COCH: variants seen among roughly 807,000 people sequenced by gnomAD.
COCH encodes coagulation factor C homolog, cochlin (Limulus polyphemus).
Under a neutral mutation model 54.8 loss-of-function variants are expected in COCH, and 40 were observed. The ratio of observed to expected loss-of-function variants is 0.73; its 90% CI spans 0.57 to 0.95. COCH has a LOEUF of 0.95. COCH is among the 40% of genes least tolerant of loss of function. The pLI is 0.00. For missense variants in COCH, 605 were observed against 675.0 expected (o/e 0.90, Z 1.15); for synonymous variants, 256 against 237.9 (o/e 1.08, Z -0.70).
In COCH at chr14:30,880,619, G is replaced by A; in HGVS notation, c.514G>A (p.Gly172Arg). The change falls in exon 8 of 12, where the codon GGA becomes AGA. Residue 172 changes from glycine to arginine, a missense_variant. Gly to Arg is a moderately radical substitution (Grantham distance 125). Transcript: ENST00000396618. ...AGCAGACATTGCATTTCTGATTGAT[G>A]GAAGCTTTAATATTGGGCAGCGCCG... ...CKADIAFLID[G>R]SFNIGQRRFN... is the part of the protein sequence containing the mutation. 2 of 1,614,112 alleles carry A rather than the reference G, an allele frequency of 1.2e-6. No homozygotes were observed. Among genetic ancestry groups the A allele is most frequent in the Non-Finnish European group, 1.7e-6 (2 of 1,180,038 alleles).
downstream of COCH, chr14:30,895,071 A>AC (rs1896100139): frequency 4.6e-6 from 1 of 219,256 alleles, no homozygotes; most frequent in Non-Finnish European, 8.1e-6. Context: ...AAAAAAAAAA[A>AC]AAAAAAAAGA....
chr14:30,885,593 G>A lies in COCH; in HGVS notation c.933G>A (p.Met311Ile). ...AGCCTATCCCTGAAGAACTGGGGAT[G>A]GTTCAGGATGTCACATTTGTTGACA... ...VAKPIPEELG[M>I]VQDVTFVDKA... Residue 311 changes from methionine to isoleucine, a missense_variant, in exon 10 of 12, where the codon ATG becomes ATA. Physicochemically the swap from Met to Ile is conservative, Grantham distance 10. Coordinates refer to ENST00000396618, the MANE Select transcript of COCH (RefSeq NM_004086.3). 6.2e-7 allele frequency: 1 copy of A among 1,602,466 alleles called. No homozygotes were observed. The highest frequency in any genetic ancestry group is 8.6e-7 in the Non-Finnish European group (1 of 1,169,388).
At chr14:30,889,551 T>G in intron 11 of COCH, 65 bp from the exon 12 acceptor site, 1 of 1,395,810 alleles carries the variant, frequency 7.2e-7, no homozygotes, top group Non-Finnish European at 1.0e-6. Flanking sequence ...GGAAAACATA[T>G]AGACATAATT....
At chr14:30,888,441 T>C (rs1241349312) in intron 11 of COCH, among the ~76,000 whole-genome samples, 3 of 152,080 alleles carry the variant, frequency 2.0e-5, no homozygotes, top group Non-Finnish European at 4.4e-5. Context: ...CCAAAAGTTA[T>C]AGAAAATTGC....
chr14:30,890,025 T>C lies in COCH; in HGVS notation c.*234T>C. The C allele has an allele frequency of 8.1e-7, 1 of 1,238,988 alleles. No homozygotes were observed. The highest frequency in any genetic ancestry group is 2.3e-5 in the South Asian group (1 of 42,720). The allele number at this position is 1,238,988 out of a possible 1,614,324, so 76.7% of individuals were successfully genotyped here. ...CTTCATAATCATGGCTCTTAGAAAC[T>C]CAGGAAAGAGGAGATAATGTGGATT... On this transcript the variant is annotated 3_prime_UTR_variant, in exon 12 of 12. Transcript: ENST00000396618.
rs748591988 is a variant in COCH, at chr14:30,885,877, C to G, written c.1042C>G (p.Gln348Glu). The change falls in exon 11 of 12, where the codon CAG becomes GAG. Residue 348 changes from glutamine to glutamate, a missense_variant. Physicochemically the swap from Gln to Glu is conservative, Grantham distance 29 (BLOSUM62 2). Transcript: ENST00000396618. ...CACAAAATACGTAAAGCCTCTGGTA[C>G]AGAAGCTGTGCACTCATGAACAAAT... The part of the protein sequence containing the change: ...GTTKYVKPLV[Q>E]KLCTHEQMMC... 6.2e-7 allele frequency: 1 copy of G among 1,614,152 alleles called. No homozygotes were observed. The highest frequency in any genetic ancestry group is 8.5e-7 in the Non-Finnish European group (1 of 1,179,994).
chr14:30,883,563 T>C (rs1895684238), intron 8 of COCH, among the ~76,000 whole-genome samples: 1 of 152,218 alleles, frequency 6.6e-6, no homozygotes, highest in Admixed American at 6.5e-5. Flanking sequence ...AAATCTGATT[T>C]TATGACCCAA....
downstream of COCH, chr14:30,894,709 G>GT (rs1896080555): frequency 5.7e-6 from 1 of 176,676 alleles, no homozygotes; most frequent in African/African-American, 2.4e-5. Context: ...AAAGAAAGTG[G>GT]TTACAGGGCA....
intron 3 of COCH, chr14:30,876,666 G>T (rs1895365546): frequency 6.6e-6 from 1 of 152,152 alleles, no homozygotes; most frequent in African/African-American, 2.4e-5. Context: ...TAGGATAAAT[G>T]GTCCTATGAA....
downstream of COCH, chr14:30,895,412 C>T: frequency 1.3e-6 from 2 of 1,593,142 alleles, no homozygotes; most frequent in Admixed American, 1.7e-5. Context: ...TTTGTTGATT[C>T]ATACAAATAC....
Position 30,874,732 on chromosome 14 carries a change from C to T in COCH, c.-24+141C>T, listed in dbSNP as rs1270445243. ...TGCGGGGTTGCACACCGATCCTGGG[C>T]TTCGCTCGATTTGCCGCCGAGGCGC... On this transcript the variant is annotated intron_variant, in intron 1 of 11. Transcript: ENST00000396618. 8 of 641,780 alleles carry T rather than the reference C, an allele frequency of 1.2e-5. No homozygotes were observed. The East Asian group carries it at 1.9e-4, about 15-fold the overall frequency. The allele number at this position is 641,780 out of a possible 1,614,324, so 39.8% of individuals were successfully genotyped here.
rs1235218820 is a variant in COCH, at chr14:30,878,827, T to G, written c.256T>G (p.Ser86Ala). Residue 86 changes from serine (S) to alanine (A), a missense_variant, in exon 5 of 12, where the codon TCA becomes GCA. Ser to Ala is a moderately conservative substitution (Grantham distance 99). Coordinates refer to ENST00000396618, the MANE Select transcript of COCH (RefSeq NM_004086.3). Reference sequence around the variant, plus strand: ...GTGTTACAGGGGAGTAATCAGCAACTCAGGGGGACCTGTACGAGTCTATAG... The same window carrying G: ...GTGTTACAGGGGAGTAATCAGCAACGCAGGGGGACCTGTACGAGTCTATAG... ...AAVHRGVISNSGGPVRVYSLP... is the reference protein window; with the variant it reads ...AAVHRGVISNAGGPVRVYSLP... 1.9e-6 allele frequency: 3 copies of G among 1,614,116 alleles called. No homozygotes were observed. Among genetic ancestry groups the G allele is most frequent in the South Asian group, 1.1e-5 (1 of 91,064 alleles).
chr14:30,874,867 G>T, intron 1 of COCH, 49 bp from the exon 2 acceptor site: 1 of 1,566,212 alleles, frequency 6.4e-7, no homozygotes, highest in Non-Finnish European at 8.8e-7. Flanking sequence ...GAGGTGACGC[G>T]CGGGGCCTCC....
downstream of COCH, among the ~76,000 whole-genome samples, chr14:30,892,538 G>C (rs532286481): frequency 5.3e-5 from 8 of 152,280 alleles, no homozygotes; most frequent in Admixed American, 5.2e-4. Context: ...GGTGGCTCAC[G>C]CCTGTAATCC....
intron 8 of COCH, among the ~76,000 whole-genome samples, chr14:30,881,997 A>T (rs952882864): frequency 2.3e-4 from 33 of 144,300 alleles, no homozygotes; most frequent in African/African-American, 7.4e-4. Flanking sequence ...AAATAAATAA[A>T]TATTTATTTA....
chr14:30,894,909 A>T (rs1317914695), downstream of COCH: 829 of 847,218 alleles, frequency 9.8e-4, no homozygotes, highest in South Asian at 1.1e-3. Context: ...TTTTTTTTTT[A>T]AAGCAAAATA....
intron 11 of COCH, among the ~76,000 whole-genome samples, chr14:30,886,781 G>T (rs1253680654): frequency 6.6e-6 from 1 of 152,188 alleles, no homozygotes; most frequent in African/African-American, 2.4e-5. Context: ...GAGTGCAGTG[G>T]CATGTAGTGA....
chr14:30,885,002 AG>A (rs1566412327), intron 9 of COCH: 1 of 1,598,468 alleles, frequency 6.3e-7, no homozygotes, highest in African/African-American at 1.3e-5. Flanking sequence ...AGAAAGAATG[AG>A]TAGCACTACC....
chr14:30,881,212 CAA>C (rs11297000), intron 8 of COCH, among the ~76,000 whole-genome samples: 49 of 93,392 alleles, frequency 5.2e-4, no homozygotes, highest in South Asian at 1.0e-3. Flanking sequence ...GACTATGTCT[CAA>C]AAAAAAAAAA....
Sources: allele counts gnomAD v4.1 joint callset (sites outside exome capture counted in the v4.1 genomes callset), GRCh38; gene constraint gnomAD v4.1.1; transcripts MANE v1.5; gene names NCBI Gene and HGNC (gene_info 2026-07-23, HGNC 2026-07-21).